ZNF804A: variants seen among roughly 807,000 people sequenced by gnomAD.
ZNF804A encodes zinc finger protein 804A.
Under a neutral mutation model 16.5 loss-of-function variants are expected in ZNF804A, and 2 were observed. That is an observed-to-expected ratio of 0.12 (90% CI 0.05 to 0.38). ZNF804A has a LOEUF of 0.38. Among genes scored for constraint, ZNF804A ranks in the 10% least tolerant of loss-of-function variants. ZNF804A has a pLI of 0.99. For synonymous variants in ZNF804A, 534 were observed against 489.6 expected, an observed-to-expected ratio of 1.09 and a Z score of -1.20; for missense variants, 1,473 against 1,390.7, an observed-to-expected ratio of 1.06 and a Z score of -0.94.
At chr2:184,738,155 C>T (rs947449846) in intron 1 of ZNF804A, among the ~76,000 whole-genome samples, 1 of 148,818 alleles carries the variant, frequency 6.7e-6, no homozygotes, top group South Asian at 2.1e-4. Context: ...AATATCAGAT[C>T]TAAGGAGAAA....
At chr2:184,612,796 T>C (rs1429069629) in intron 1 of ZNF804A, among the ~76,000 whole-genome samples, 1 of 152,222 alleles carries the variant, frequency 6.6e-6, no homozygotes, top group Non-Finnish European at 1.5e-5. Context: ...AGACTGATAG[T>C]AATAGAATTT....
At chr2:184,782,300 C>T (rs770510026) in intron 1 of ZNF804A, among the ~76,000 whole-genome samples, 3 of 151,392 alleles carry the variant, frequency 2.0e-5, no homozygotes, top group Non-Finnish European at 4.4e-5. Flanking sequence ...AGTATTGATC[C>T]TGGGTGTGTC....
intron 1 of ZNF804A, among the ~76,000 whole-genome samples, chr2:184,622,285 T>C (rs892195144): frequency 2.0e-5 from 3 of 151,860 alleles, no homozygotes; most frequent in African/African-American, 7.2e-5. Flanking sequence ...AGGAAGTATT[T>C]CAATTCCTCT....
chr2:184,643,347 C>T (rs1055038147), intron 1 of ZNF804A, among the ~76,000 whole-genome samples: 4 of 151,830 alleles, frequency 2.6e-5, no homozygotes, highest in Non-Finnish European at 5.9e-5. Flanking sequence ...TTTCTTTTCC[C>T]ATAAATGGCA....
chr2:184,741,987 A>T (rs1693715320), intron 1 of ZNF804A, among the ~76,000 whole-genome samples: 2 of 152,134 alleles, frequency 1.3e-5, no homozygotes, highest in South Asian at 2.1e-4. Context: ...ATATTTTTGC[A>T]TTTTAATTTA....
At chr2:184,634,190 CT>C (rs753493729) in intron 1 of ZNF804A, among the ~76,000 whole-genome samples, 13 of 152,132 alleles carry the variant, frequency 8.5e-5, no homozygotes, top group Non-Finnish European at 1.3e-4. Context: ...TATGTCAAAA[CT>C]TTTTTTCATT....
chr2:184,717,317 A>C (rs1377343433), intron 1 of ZNF804A, among the ~76,000 whole-genome samples: 1 of 151,844 alleles, frequency 6.6e-6, no homozygotes, highest in African/African-American at 2.4e-5. Context: ...ATGTACTCTT[A>C]CCTTTCTCCA....
chr2:184,802,831 T>C (rs540958177), intron 1 of ZNF804A, among the ~76,000 whole-genome samples: 2 of 152,194 alleles, frequency 1.3e-5, no homozygotes, highest in African/African-American at 4.8e-5. Context: ...TTTCTTAATA[T>C]CACCCAATTA....
intron 1 of ZNF804A, among the ~76,000 whole-genome samples, chr2:184,599,830 GC>G (rs1691017938): frequency 6.6e-6 from 1 of 152,136 alleles, no homozygotes; most frequent in Non-Finnish European, 1.5e-5. Flanking sequence ...GATGTACTGA[GC>G]ATTGAGATAG....
intron 1 of ZNF804A, among the ~76,000 whole-genome samples, chr2:184,782,015 A>G (rs1241310869): frequency 6.6e-6 from 1 of 151,686 alleles, no homozygotes; most frequent in African/African-American, 2.4e-5. Flanking sequence ...TTCCCTCTGT[A>G]TGTATCTGTG....
At chr2:184,730,742 T>G (rs956734733) in intron 1 of ZNF804A, among the ~76,000 whole-genome samples, 1 of 152,176 alleles carries the variant, frequency 6.6e-6, no homozygotes, top group African/African-American at 2.4e-5. Flanking sequence ...TTCCATTGTC[T>G]GGATGTGCCA....
At chr2:184,918,249 T>C (rs1239486664) in intron 2 of ZNF804A, among the ~76,000 whole-genome samples, 1 of 152,120 alleles carries the variant, frequency 6.6e-6, no homozygotes, top group Non-Finnish European at 1.5e-5. Flanking sequence ...GAGCCCAAAG[T>C]GGATAGCTGT....
intron 2 of ZNF804A, among the ~76,000 whole-genome samples, chr2:184,916,042 G>C (rs1267370302): frequency 6.6e-6 from 1 of 152,150 alleles, no homozygotes; most frequent in African/African-American, 2.4e-5. Flanking sequence ...ATTGAAGAGA[G>C]CTAAATTGAT....
At chr2:184,631,662 C>T (rs903026932) in intron 1 of ZNF804A, among the ~76,000 whole-genome samples, 2 of 152,086 alleles carry the variant, frequency 1.3e-5, no homozygotes, top group African/African-American at 4.8e-5. Flanking sequence ...ATTCTGTCCA[C>T]TTTTTCAAAG....
intron 1 of ZNF804A, among the ~76,000 whole-genome samples, chr2:184,835,285 C>G (rs147783387): frequency 6.6e-6 from 1 of 152,136 alleles, no homozygotes; most frequent in East Asian, 1.9e-4. Context: ...CCAGGGCTAT[C>G]CCATTGGCAG....
chr2:184,639,701 A>T (rs1178831362), intron 1 of ZNF804A, among the ~76,000 whole-genome samples: 3 of 151,988 alleles, frequency 2.0e-5, no homozygotes, highest in African/African-American at 4.8e-5. Flanking sequence ...TTGGAGGAGG[A>T]TAGGAAAATA....
At chr2:184,867,141 C>T (rs1467030082) in intron 2 of ZNF804A, among the ~76,000 whole-genome samples, 1 of 151,866 alleles carries the variant, frequency 6.6e-6, no homozygotes, top group Non-Finnish European at 1.5e-5. Context: ...GATTTTTCAA[C>T]ACTCTATGTA....
intron 1 of ZNF804A, among the ~76,000 whole-genome samples, chr2:184,662,169 T>C (rs977385187): frequency 6.6e-6 from 1 of 152,232 alleles, no homozygotes; most frequent in African/African-American, 2.4e-5. Flanking sequence ...TTGGGTTGAA[T>C]GTTTTGTTCT....
At chr2:184,676,884 T>G (rs1013649484) in intron 1 of ZNF804A, among the ~76,000 whole-genome samples, 1 of 151,762 alleles carries the variant, frequency 6.6e-6, no homozygotes, top group Non-Finnish European at 1.5e-5. Flanking sequence ...TGTCTACTTC[T>G]ACTAAAAATA....
Sources: gnomAD v4.1 joint callset for allele counts (sites outside exome capture counted in the v4.1 genomes callset) on GRCh38, gnomAD v4.1.1 for gene constraint, MANE v1.5 for transcripts, NCBI Gene and HGNC (gene_info 2026-07-23, HGNC 2026-07-21) for gene names.